Variants in KDM4C observed in about 807,000 individuals in gnomAD.
KDM4C encodes lysine-specific demethylase 4C.
A neutral mutation model predicts 129.3 loss-of-function variants in KDM4C; 81 were observed. The ratio of observed to expected loss-of-function variants is 0.63; its 90% CI spans 0.52 to 0.75. The LOEUF (loss-of-function observed/expected upper bound fraction) is 0.75, where lower values mean the gene tolerates loss of function less well. KDM4C is among the 30% of genes least tolerant of loss of function. The probability of loss-of-function intolerance (pLI) is 0.00; values close to 1 mark genes in which losing one functional copy is unlikely to be tolerated. For missense variants in KDM4C, 1,457 were observed against 1,304.0 expected (o/e 1.12, Z -1.81); for synonymous variants, 573 against 456.1 (o/e 1.26, Z -3.26).
At chr9:7,060,466 A>ATTATTT (rs1468832990) in intron 17 of KDM4C, among the ~76,000 whole-genome samples, 2 of 93,440 alleles carry the variant, frequency 2.1e-5, no homozygotes, top group Admixed American at 2.3e-4. Flanking sequence ...TATTATTATT[A>ATTATTT]TTATTATTAT....
chr9:6,799,005 A>G (rs973333573), intron 2 of KDM4C, among the ~76,000 whole-genome samples: 5 of 100,870 alleles, frequency 5.0e-5, no homozygotes, highest in African/African-American at 1.8e-4. Flanking sequence ...CCTAGATGGG[A>G]TGGCGGCCGG....
At chr9:7,142,915 A>G (rs1321123306) in intron 19 of KDM4C, among the ~76,000 whole-genome samples, 1 of 152,184 alleles carries the variant, frequency 6.6e-6, no homozygotes, top group African/African-American at 2.4e-5. Context: ...GCATCATATT[A>G]ACATGCTAAA....
intron 1 of KDM4C, among the ~76,000 whole-genome samples, chr9:6,721,952 G>A (rs1053543863): frequency 3.3e-5 from 5 of 152,088 alleles, no homozygotes; most frequent in Non-Finnish European, 7.4e-5. Context: ...GAGCTCCTGG[G>A]TGCAAGCAAT....
At chr9:6,904,791 G>T (rs1329528024) in intron 8 of KDM4C, among the ~76,000 whole-genome samples, 1 of 152,150 alleles carries the variant, frequency 6.6e-6, no homozygotes, top group Non-Finnish European at 1.5e-5. Flanking sequence ...GCATCATAAA[G>T]GAGTATTCCA....
intron 19 of KDM4C, among the ~76,000 whole-genome samples, chr9:7,132,441 G>A (rs1251467050): frequency 6.6e-6 from 1 of 152,138 alleles, no homozygotes; most frequent in Non-Finnish European, 1.5e-5. Flanking sequence ...CCCTACCTAG[G>A]TACTTTATTT....
intron 8 of KDM4C, among the ~76,000 whole-genome samples, chr9:6,928,535 T>C (rs773750078): frequency 1.3e-5 from 2 of 152,182 alleles, no homozygotes; most frequent in African/African-American, 2.4e-5. Flanking sequence ...TTGTAGAGGG[T>C]AGTTCTATTA....
At chr9:7,017,683 T>A (rs981583830) in intron 15 of KDM4C, among the ~76,000 whole-genome samples, 1 of 152,288 alleles carries the variant, frequency 6.6e-6, no homozygotes, top group South Asian at 2.1e-4. Context: ...ACTCATGATC[T>A]CAGAGCAGGT....
At chr9:7,002,907 C>G (rs1444069912) in intron 12 of KDM4C, among the ~76,000 whole-genome samples, 2 of 152,240 alleles carry the variant, frequency 1.3e-5, no homozygotes, top group East Asian at 3.8e-4. Context: ...GTCTGCCAGG[C>G]TGGAGTGCGG....
At chr9:6,871,289 T>C (rs1842792357) in intron 5 of KDM4C, among the ~76,000 whole-genome samples, 1 of 152,138 alleles carries the variant, frequency 6.6e-6, no homozygotes, top group South Asian at 2.1e-4. Flanking sequence ...TGGCCTAATC[T>C]CATTCAGTTC....
chr9:7,013,137 TAAG>T (rs1367451772), intron 13 of KDM4C, among the ~76,000 whole-genome samples: 2 of 152,186 alleles, frequency 1.3e-5, no homozygotes, highest in East Asian at 1.9e-4. Flanking sequence ...ACTAAAATAA[TAAG>T]ATTTGTGGAG....
chr9:6,931,909 G>A (rs528851108), intron 8 of KDM4C, among the ~76,000 whole-genome samples: 52 of 152,338 alleles, frequency 3.4e-4, no homozygotes, highest in Admixed American at 5.9e-4. Flanking sequence ...ATTGTCTAAA[G>A]GTAGCTGTCC....
At chr9:6,753,781 C>T (rs553138682), upstream of KDM4C, among the ~76,000 whole-genome samples, 3 of 151,596 alleles carry the variant, frequency 2.0e-5, no homozygotes, top group East Asian at 3.9e-4. Context: ...ATGGACTAAT[C>T]ATCTCTCATT....
chr9:7,010,494 C>T (rs1486156162), intron 12 of KDM4C, among the ~76,000 whole-genome samples: 2 of 152,214 alleles, frequency 1.3e-5, no homozygotes, highest in East Asian at 1.9e-4. Context: ...CTGGAACACA[C>T]TTACTCACCA....
At chr9:7,122,285 T>TCTCTCTC (rs1554752011) in intron 18 of KDM4C, among the ~76,000 whole-genome samples, 4 of 150,878 alleles carry the variant, frequency 2.7e-5, no homozygotes, top group Admixed American at 1.3e-4. Context: ...TCTCTCTCTC[T>TCTCTCTC]TAAACAGCCA....
chr9:6,811,285 C>T (rs767023970), intron 3 of KDM4C, among the ~76,000 whole-genome samples: 1 of 152,152 alleles, frequency 6.6e-6, no homozygotes, highest in Non-Finnish European at 1.5e-5. Flanking sequence ...TCCCGAGCAG[C>T]TGGGACCACA....
intron 8 of KDM4C, among the ~76,000 whole-genome samples, chr9:6,974,184 T>C (rs1348260254): frequency 3.3e-5 from 5 of 152,230 alleles, no homozygotes; most frequent in Non-Finnish European, 5.9e-5. Flanking sequence ...GATGACTTAC[T>C]TCCTAAGGTT....
intron 8 of KDM4C, among the ~76,000 whole-genome samples, chr9:6,940,166 T>C (rs974814680): frequency 2.6e-5 from 4 of 151,994 alleles, no homozygotes; most frequent in African/African-American, 9.7e-5. Flanking sequence ...GTATTGGCTA[T>C]TGCAACCTCT....
At chr9:7,115,920 T>C (rs1206440251) in intron 18 of KDM4C, among the ~76,000 whole-genome samples, 1 of 152,230 alleles carries the variant, frequency 6.6e-6, no homozygotes, top group Non-Finnish European at 1.5e-5. Context: ...GGAAAATGGG[T>C]AGTTTCTTCA....
chr9:7,046,226 G>A (rs1301262292), intron 15 of KDM4C, among the ~76,000 whole-genome samples: 1 of 151,958 alleles, frequency 6.6e-6, no homozygotes, highest in Admixed American at 6.6e-5. Flanking sequence ...ACATAAGAGT[G>A]CTGAAAGGTT....
Sources: gnomAD v4.1 joint callset for allele counts (sites outside exome capture counted in the v4.1 genomes callset) on GRCh38, gnomAD v4.1.1 for gene constraint, MANE v1.5 for transcripts, NCBI Gene and HGNC (gene_info 2026-07-23, HGNC 2026-07-21) for gene names.